The following RBMS2 variants were observed in gnomAD, a reference collection of about 807,000 sequenced individuals.
RBMS2 encodes RNA binding motif single stranded interacting protein 2.
In RBMS2, 38 loss-of-function variants were observed where a neutral mutation model predicts 58.4. That is an observed-to-expected ratio of 0.65 (90% confidence interval 0.50 to 0.85). The LOEUF is 0.85. Among genes scored for constraint, RBMS2 ranks in the 40% least tolerant of loss-of-function variants. The pLI is 0.00. For missense variants in RBMS2, 367 were observed against 503.7 expected (o/e 0.73, Z 2.60); for synonymous variants, 151 against 180.7 (o/e 0.84, Z 1.32).
At chr12:56,584,425 A>G (rs535575462) in intron 9 of RBMS2, among the ~76,000 whole-genome samples, 2 of 149,754 alleles carry the variant, frequency 1.3e-5, no homozygotes, top group South Asian at 2.1e-4. Flanking sequence ...GAGCAAGACC[A>G]TGTCTCAAAA....
At chr12:56,543,868 A>G (rs968439818) in intron 1 of RBMS2, among the ~76,000 whole-genome samples, 1 of 148,364 alleles carries the variant, frequency 6.7e-6, no homozygotes, top group African/African-American at 2.5e-5. Flanking sequence ...GGGTTTCACT[A>G]TGTTGGCTAG....
chr12:56,546,350 A>T (rs939490795), intron 1 of RBMS2, among the ~76,000 whole-genome samples: 4 of 138,166 alleles, frequency 2.9e-5, no homozygotes, highest in African/African-American at 1.1e-4. Context: ...TACATTATAA[A>T]TATAATGTAC....
chr12:56,520,626 C>G (rs1871637798), upstream of RBMS2, among the ~76,000 whole-genome samples: 1 of 152,102 alleles, frequency 6.6e-6, no homozygotes, highest in Non-Finnish European at 1.5e-5. Context: ...TCTTTGGAAA[C>G]TAGTAGAGGT....
intron 3 of RBMS2, 107 bp downstream of exon 3, chr12:56,569,140 G>T (rs1305695142): frequency 1.0e-6 from 1 of 987,026 alleles, no homozygotes; most frequent in Admixed American, 2.3e-5. Context: ...TCAGCGAGAA[G>T]TCCCTGAAGT....
intron 1 of RBMS2, among the ~76,000 whole-genome samples, chr12:56,527,112 C>T (rs1051746306): frequency 7.2e-5 from 11 of 152,226 alleles, no homozygotes; most frequent in African/African-American, 2.6e-4. Flanking sequence ...AGTGTTTACT[C>T]AGGAGAGAGA....
chr12:56,521,476 G>A, upstream of RBMS2, among the ~76,000 whole-genome samples: 1 of 137,890 alleles, frequency 7.3e-6, no homozygotes, highest in Non-Finnish European at 1.5e-5. Flanking sequence ...GGGAAGCCCT[G>A]AGCTTATCTC....
intron 1 of RBMS2, among the ~76,000 whole-genome samples, chr12:56,553,017 C>T (rs1179158154): frequency 6.7e-6 from 1 of 148,542 alleles, no homozygotes; most frequent in Non-Finnish European, 1.5e-5. Context: ...CAACCTCATC[C>T]TCCCAGGTTC....
intron 1 of RBMS2, among the ~76,000 whole-genome samples, chr12:56,561,813 G>A (rs762742144): frequency 1.5e-4 from 22 of 142,114 alleles, no homozygotes; most frequent in African/African-American, 3.7e-4. Context: ...GAGCCACCGC[G>A]CCCGTCCTGC....
At chr12:56,565,760 C>T (rs1364636792) in intron 2 of RBMS2, among the ~76,000 whole-genome samples, 1 of 152,004 alleles carries the variant, frequency 6.6e-6, no homozygotes, top group Non-Finnish European at 1.5e-5. Flanking sequence ...TCCCAGTTGT[C>T]TCTCCCTGGG....
chr12:56,586,818 C>T (rs1271920068), intron 9 of RBMS2, 31 bp from the exon 10 acceptor site: 2 of 1,559,446 alleles, frequency 1.3e-6, no homozygotes, highest in African/African-American at 2.7e-5. Flanking sequence ...AGTTTCCAGG[C>T]AATTAACATT....
chr12:56,569,818 T>C, intron 3 of RBMS2, 81 bp from the exon 4 acceptor site: 1 of 1,192,080 alleles, frequency 8.4e-7, no homozygotes, highest in Non-Finnish European at 1.2e-6. Flanking sequence ...ATCATAACTC[T>C]TCCTCTGTCT....
intron 5 of RBMS2, among the ~76,000 whole-genome samples, chr12:56,576,192 C>T (rs1296896792): frequency 2.6e-5 from 4 of 151,720 alleles, no homozygotes; most frequent in Non-Finnish European, 5.9e-5. Flanking sequence ...ACAAAGCTAG[C>T]CAGGAGTGGT....
chr12:56,526,320 T>TA (rs1555186204), intron 1 of RBMS2, among the ~76,000 whole-genome samples: 17 of 151,532 alleles, frequency 1.1e-4, no homozygotes, highest in East Asian at 5.8e-4. Context: ...AATAAATAAA[T>TA]AAATAAAATA....
chr12:56,524,646 C>T (rs1283463343), intron 1 of RBMS2, among the ~76,000 whole-genome samples: 1 of 151,840 alleles, frequency 6.6e-6, no homozygotes, highest in African/African-American at 2.4e-5. Context: ...AACTCCTGAC[C>T]TCAAGTGATC....
chr12:56,560,356 A>G (rs540510156), intron 1 of RBMS2, among the ~76,000 whole-genome samples: 52 of 151,036 alleles, frequency 3.4e-4, no homozygotes, highest in South Asian at 1.0e-3. Context: ...TCCCGGGTTC[A>G]CACCATTCTT....
At chr12:56,536,642 A>G (rs1874916216) in intron 1 of RBMS2, among the ~76,000 whole-genome samples, 1 of 149,690 alleles carries the variant, frequency 6.7e-6, no homozygotes, top group Admixed American at 6.7e-5. Context: ...ATCTTGGCTC[A>G]CTGCAACCTC....
chr12:56,541,530 C>G (rs1269315998), intron 1 of RBMS2, among the ~76,000 whole-genome samples: 1 of 152,048 alleles, frequency 6.6e-6, no homozygotes, highest in Non-Finnish European at 1.5e-5. Context: ...TTACTTCAAT[C>G]CAGTTGAGAA....
chr12:56,572,936 C>T (rs1399382585), intron 5 of RBMS2: 3 of 985,060 alleles, frequency 3.0e-6, no homozygotes, highest in Non-Finnish European at 3.6e-6. Context: ...CCCAGGTGCC[C>T]TTCTTTGGGC....
At chr12:56,549,260 G>A (rs1169375631) in intron 1 of RBMS2, among the ~76,000 whole-genome samples, 2 of 152,012 alleles carry the variant, frequency 1.3e-5, no homozygotes, top group East Asian at 1.9e-4. Flanking sequence ...CTCCCAAAGC[G>A]CTCAGATTAC....
Sources: allele counts gnomAD v4.1 joint callset (sites outside exome capture counted in the v4.1 genomes callset), GRCh38; gene constraint gnomAD v4.1.1; transcripts MANE v1.5; gene names NCBI Gene and HGNC (gene_info 2026-07-23, HGNC 2026-07-21).